The following RREB1 variants were observed in gnomAD, a reference collection of about 807,000 sequenced individuals.
The protein encoded by RREB1 is ras-responsive element-binding protein 1.
Under a neutral mutation model 117.8 loss-of-function variants are expected in RREB1, and 27 were observed. The observed-to-expected ratio is 0.23, with a 90% confidence interval of 0.17 to 0.32. The LOEUF is 0.32. Among genes scored for constraint, RREB1 ranks in the 10% least tolerant of loss-of-function variants. The pLI is 1.00. For synonymous variants in RREB1, 1,298 were observed against 1,026.7 expected (o/e 1.26, Z -5.05); for missense variants, 2,577 against 2,378.2 (o/e 1.08, Z -1.74).
intron 8 of RREB1, chr6:7,212,450 T>C (rs1766666889): frequency 6.6e-6 from 1 of 152,234 alleles, no homozygotes; most frequent in Non-Finnish European, 1.5e-5. Flanking sequence ...AACCGTTAGT[T>C]CTGTATTCTT....
intron 1 of RREB1, among the ~76,000 whole-genome samples, chr6:7,161,439 A>T (rs1763656991): frequency 6.6e-6 from 1 of 152,190 alleles, no homozygotes; most frequent in Admixed American, 6.5e-5. Context: ...TGTTCTTAGG[A>T]TGGTTAGACT....
chr6:7,111,622 T>G (rs570317933), intron 1 of RREB1, among the ~76,000 whole-genome samples: 1 of 152,220 alleles, frequency 6.6e-6, no homozygotes, highest in Admixed American at 6.5e-5. Context: ...TTTCTGAATC[T>G]TCTATGTCCT....
At chr6:7,182,133 C>T in intron 4 of RREB1, 51 bp downstream of exon 4, 1 of 1,472,348 alleles carries the variant, frequency 6.8e-7, no homozygotes, top group Non-Finnish European at 9.4e-7. Flanking sequence ...TCCATGAGAA[C>T]ATTGGGAGAT....
At chr6:7,164,073 G>C (rs529461061) in intron 1 of RREB1, among the ~76,000 whole-genome samples, 1 of 152,146 alleles carries the variant, frequency 6.6e-6, no homozygotes, top group Non-Finnish European at 1.5e-5. Context: ...AAGTTCTGTG[G>C]GGGGACAGCA....
chr6:7,223,021 A>G (rs1054433394), intron 8 of RREB1, among the ~76,000 whole-genome samples: 1 of 151,828 alleles, frequency 6.6e-6, no homozygotes, highest in Non-Finnish European at 1.5e-5. Context: ...TTGGGAGGCC[A>G]ATTCAGGAGC....
intron 4 of RREB1, chr6:7,184,054 A>C (rs1264354950): frequency 6.6e-6 from 1 of 152,048 alleles, no homozygotes; most frequent in Non-Finnish European, 1.5e-5. Context: ...CTGGATTCAG[A>C]ATTCTCCATT....
chr6:7,221,462 G>A (rs537228077), intron 8 of RREB1, among the ~76,000 whole-genome samples: 18 of 152,310 alleles, frequency 1.2e-4, no homozygotes, highest in South Asian at 8.3e-4. Flanking sequence ...GTGAGCCACC[G>A]CGCCCGGCCG....
At chr6:7,220,141 C>T (rs1021240378) in intron 8 of RREB1, among the ~76,000 whole-genome samples, 1 of 152,212 alleles carries the variant, frequency 6.6e-6, no homozygotes, top group Non-Finnish European at 1.5e-5. Flanking sequence ...ACTGGCGTGT[C>T]ATACAGGGGG....
intron 2 of RREB1, among the ~76,000 whole-genome samples, chr6:7,178,776 A>C (rs1275514018): frequency 6.6e-6 from 1 of 152,226 alleles, no homozygotes; most frequent in Non-Finnish European, 1.5e-5. Context: ...TACTTAAAAT[A>C]GGAAAAGGAA....
rs1003354102 is a variant in RREB1, at chr6:7,249,466, G to A, written c.*498G>A. On this transcript the variant is annotated 3_prime_UTR_variant, in exon 13 of 13. Coordinates refer to ENST00000379938, the MANE Select transcript of RREB1 (RefSeq NM_001003699.4). ...TGTGAATTTCATGTAAATGACCAGA[G>A]GAAAGATGGATAAGATGATAATTTC... is the stretch of plus-strand genomic sequence containing the variant. The A allele has an allele frequency of 1.9e-5, 3 of 154,270 alleles. No individual in the cohort carries two copies. The highest frequency in any genetic ancestry group is 7.2e-5 in the African/African-American group (3 of 41,522). The allele number at this position is 154,270 out of a possible 1,614,324, so 9.6% of individuals were successfully genotyped here. A position where few individuals can be genotyped will look rare whatever the true frequency, so the allele number is the denominator to read the frequency against.
Position 7,250,256 on chromosome 6 carries a change from C to G in RREB1, c.*1288C>G, listed in dbSNP as rs1769351967. The G allele has an allele frequency of 1.3e-5, 2 of 152,098 alleles. No homozygotes were observed. The highest frequency in any genetic ancestry group is 6.5e-5 in the Admixed American group (1 of 15,272). 9.4% of individuals were successfully genotyped at this position (152,098 alleles called of 1,614,324 possible). On this transcript the variant is annotated 3_prime_UTR_variant, in exon 13 of 13. Transcript: ENST00000379938. ...AGCTGTGCTACTGTCATTTGCAAAGCAAGGAAATACTACTACTGGTAATAA... is the reference window on the plus strand; with the variant it reads ...AGCTGTGCTACTGTCATTTGCAAAGGAAGGAAATACTACTACTGGTAATAA...
At chr6:7,110,494 G>GTGTGTGTGTA (rs780372991) in intron 1 of RREB1, among the ~76,000 whole-genome samples, 1 of 152,102 alleles carries the variant, frequency 6.6e-6, no homozygotes, top group African/African-American at 2.4e-5. Context: ...GTGTGTGTGT[G>GTGTGTGTGTA]TGTATGTGTT....
At chr6:7,204,611 G>T (rs767480159) in intron 6 of RREB1, among the ~76,000 whole-genome samples, 4 of 152,148 alleles carry the variant, frequency 2.6e-5, no homozygotes, top group Non-Finnish European at 4.4e-5. Flanking sequence ...TGAACCTGTT[G>T]CCTCCAGCTT....
chr6:7,110,479 G>GGTGTGT (rs111267508), intron 1 of RREB1, among the ~76,000 whole-genome samples: 53 of 149,618 alleles, frequency 3.5e-4, no homozygotes, highest in African/African-American at 1.2e-3. Context: ...TTTTAGGGGT[G>GGTGTGT]GTGTGTGTGT....
At position 7,230,603 on chromosome 6, in the gene RREB1, A is replaced by G. The variant is rs763948080; in HGVS notation, c.2504A>G (p.Glu835Gly). The G allele has an allele frequency of 5.0e-6, 8 of 1,603,570 alleles. No homozygotes were observed. In the African/African-American group the frequency reaches 1.1e-4, roughly 21 times the overall value. The part of the protein sequence containing the change: ...VLAADGLGPA[E>G]APAAEASGRG... Reference sequence around the variant, plus strand: ...GCCGCCGACGGCCTGGGCCCCGCAGAGGCGCCGGCCGCTGAGGCGTCGGGG... The same window carrying G: ...GCCGCCGACGGCCTGGGCCCCGCAGGGGCGCCGGCCGCTGAGGCGTCGGGG... Residue 835 changes from glutamate (E) to glycine (G), a missense_variant, in exon 10 of 13, where the codon GAG (glutamate) becomes GGG (glycine). By Grantham distance (98) the Glu-to-Gly change is moderately conservative (BLOSUM62 -2). Coordinates refer to ENST00000379938, the MANE Select transcript of RREB1 (RefSeq NM_001003699.4).
chr6:7,166,996 T>C (rs1763965850), intron 1 of RREB1, among the ~76,000 whole-genome samples: 1 of 152,210 alleles, frequency 6.6e-6, no homozygotes, highest in Non-Finnish European at 1.5e-5. Context: ...ATACTTAGAT[T>C]CACTTCAGAG....
intron 1 of RREB1, among the ~76,000 whole-genome samples, chr6:7,161,684 A>G (rs1763671597): frequency 6.6e-6 from 1 of 152,114 alleles, no homozygotes; most frequent in Admixed American, 6.5e-5. Context: ...AAACTCCTCT[A>G]AATCCTACTT....
At chr6:7,123,135 G>C (rs1011625070) in intron 1 of RREB1, among the ~76,000 whole-genome samples, 2 of 152,038 alleles carry the variant, frequency 1.3e-5, no homozygotes, top group Non-Finnish European at 2.9e-5. Context: ...ACCATCTGAT[G>C]CATCATCTGT....
At chr6:7,135,407 C>G (rs530571678) in intron 1 of RREB1, among the ~76,000 whole-genome samples, 1 of 152,332 alleles carries the variant, frequency 6.6e-6, no homozygotes, top group Non-Finnish European at 1.5e-5. Flanking sequence ...AGGGCAGCAG[C>G]CAAAAGACCA....
Sources: gnomAD v4.1 joint callset for allele counts (sites outside exome capture counted in the v4.1 genomes callset) on GRCh38, gnomAD v4.1.1 for gene constraint, MANE v1.5 for transcripts, NCBI Gene and HGNC (gene_info 2026-07-23, HGNC 2026-07-21) for gene names.